Variants in LRTM3 observed in about 807,000 individuals in gnomAD.
The protein encoded by LRTM3 is leucine-rich repeat transmembrane protein 3.
chr13:102,754,218 A>C, the LRTM3 span, among the ~76,000 whole-genome samples: 2 of 151,820 alleles, frequency 1.3e-5, no homozygotes, highest in African/African-American at 4.8e-5. Context: ...AAAAAAAAAA[A>C]AAAAAAAAAC....
the LRTM3 span, chr13:102,744,653 G>A: frequency 1.3e-6 from 2 of 1,550,834 alleles, no homozygotes; most frequent in Non-Finnish European, 1.7e-6. Context: ...GCAAGGGTCA[G>A]GATCTTTCAT....
the LRTM3 span, chr13:102,743,575 G>A: frequency 5.8e-6 from 9 of 1,549,670 alleles, no homozygotes; most frequent in Non-Finnish European, 7.9e-6. Context: ...TGTTTATCTG[G>A]TTTTTAGAGT....
the LRTM3 span, chr13:102,733,960 T>C: frequency 6.4e-7 from 1 of 1,551,350 alleles, no homozygotes; most frequent in Non-Finnish European, 8.7e-7. Flanking sequence ...GACAAGATGA[T>C]CCTGTAATTC....
chr13:102,736,043 C>T, the LRTM3 span: 1 of 1,548,258 alleles, frequency 6.5e-7, no homozygotes, highest in Non-Finnish European at 8.7e-7. Flanking sequence ...TATTTTTACT[C>T]TGTCCTTTGC....
chr13:102,742,634 T>C, the LRTM3 span: 3 of 1,550,656 alleles, frequency 1.9e-6, no homozygotes, highest in South Asian at 3.6e-5. Flanking sequence ...CTGCTCCTTA[T>C]TATTGCTTAC....
At chr13:102,747,505 A>C in the LRTM3 span, 1 of 1,550,738 alleles carries the variant, frequency 6.4e-7, no homozygotes, top group African/African-American at 1.4e-5. Context: ...AATATGGTAA[A>C]GTAAGCAAGT....
the LRTM3 span, chr13:102,744,615 C>T: frequency 5.5e-5 from 86 of 1,550,638 alleles, no homozygotes; most frequent in Admixed American, 9.6e-4. Flanking sequence ...GATCTGCCTT[C>T]GGGACTCTTC....
At chr13:102,740,117 T>C in the LRTM3 span, 1 of 1,548,252 alleles carries the variant, frequency 6.5e-7, no homozygotes, top group Non-Finnish European at 8.7e-7. Flanking sequence ...TACCTTTTCA[T>C]TTGCCTTTTG....
At chr13:102,731,942 ACAT>A in the LRTM3 span, 1 of 1,550,864 alleles carries the variant, frequency 6.4e-7, no homozygotes, top group East Asian at 2.4e-5. Flanking sequence ...GATCCTTGAG[ACAT>A]CATGCTCTGG....
the LRTM3 span, chr13:102,734,854 T>G: frequency 1.3e-6 from 2 of 1,550,986 alleles, no homozygotes; most frequent in African/African-American, 2.7e-5. Context: ...TGGGGAATAT[T>G]AAGATGCTTA....
the LRTM3 span, chr13:102,736,962 C>T: frequency 1.3e-6 from 2 of 1,551,106 alleles, no homozygotes; most frequent in Non-Finnish European, 1.7e-6. Flanking sequence ...GTTCGTTTGT[C>T]TAATTTACAG....
the LRTM3 span, chr13:102,743,453 T>C: frequency 6.4e-7 from 1 of 1,550,470 alleles, no homozygotes; most frequent in South Asian, 1.2e-5. Context: ...CTTCCTATGT[T>C]TTGTAGTAAA....
chr13:102,732,334 C>A, the LRTM3 span: 4 of 1,551,348 alleles, frequency 2.6e-6, no homozygotes, highest in Non-Finnish European at 3.5e-6. Context: ...ACTCTAATTT[C>A]TTTCTATTGC....
chr13:102,754,000 C>T, the LRTM3 span, among the ~76,000 whole-genome samples: 6 of 151,958 alleles, frequency 3.9e-5, no homozygotes, highest in African/African-American at 1.2e-4. Flanking sequence ...CACTTGACAT[C>T]GGAGTTTGAA....
the LRTM3 span, chr13:102,733,958 G>A: frequency 1.9e-6 from 3 of 1,551,174 alleles, no homozygotes; most frequent in African/African-American, 4.1e-5. Flanking sequence ...TGGACAAGAT[G>A]ATCCTGTAAT....
chr13:102,751,307 A>G, the LRTM3 span, among the ~76,000 whole-genome samples: 1 of 151,062 alleles, frequency 6.6e-6, no homozygotes, highest in African/African-American at 2.4e-5. Context: ...GCTTAAGCCA[A>G]TTATTTAAAA....
chr13:102,758,789 A>C, the LRTM3 span: 1 of 1,550,584 alleles, frequency 6.4e-7, no homozygotes, highest in East Asian at 2.4e-5. Context: ...TCTCAAAAAT[A>C]ATTCCTAGTA....
the LRTM3 span, chr13:102,738,457 T>G: frequency 1.3e-6 from 2 of 1,550,804 alleles, no homozygotes; most frequent in Non-Finnish European, 1.7e-6. Context: ...GAAGCACACT[T>G]GGTTCACCTT....
chr13:102,750,408 T>A, the LRTM3 span: 2 of 1,322,062 alleles, frequency 1.5e-6, no homozygotes, highest in Non-Finnish European at 2.1e-6. Context: ...AAGAAAACAG[T>A]GTACAAATGA....
Sources: allele counts gnomAD v4.1 joint callset (sites outside exome capture counted in the v4.1 genomes callset), GRCh38; gene constraint gnomAD v4.1.1; transcripts MANE v1.5; gene names NCBI Gene and HGNC (gene_info 2026-07-23, HGNC 2026-07-21).